MTCL1: variants seen among roughly 807,000 people sequenced by gnomAD.
The protein encoded by MTCL1 is microtubule cross-linking factor 1.
Under a neutral mutation model 141.4 loss-of-function variants are expected in MTCL1, and 79 were observed. The ratio of observed to expected loss-of-function variants is 0.56; its 90% CI spans 0.47 to 0.67. The LOEUF is 0.67. Ranked by LOEUF, MTCL1 falls within the 30% of genes least tolerant of loss-of-function variation. The pLI, the probability that MTCL1 is intolerant of heterozygous loss-of-function variation, is 0.00. For synonymous variants in MTCL1, 914 were observed against 875.8 expected (o/e 1.04, Z -0.77); for missense variants, 2,177 against 2,113.9 (o/e 1.03, Z -0.59).
In MTCL1 at chr18:8,705,857, C is replaced by T. The variant is rs2096057052; in HGVS notation, c.197C>T (p.Ser66Leu). 1 of 1,155,430 alleles carries T rather than the reference C, an allele frequency of 8.7e-7. No individual in the cohort carries two copies. The highest frequency in any genetic ancestry group is 1.1e-6 in the Non-Finnish European group (1 of 938,074). 71.6% of individuals were successfully genotyped at this position (1,155,430 alleles called of 1,614,324 possible). A position where few individuals can be genotyped will look rare whatever the true frequency, so the allele number is the denominator to read the frequency against. The stretch of plus-strand genomic sequence containing the variant: ...GCGCCCGGCCCGGCCGTCCCCTCCT[C>T]GGGCCGAGCCCCGGCTCCCGCCGCC... Residue 66 changes from serine (S) to leucine (L), a missense_variant, in exon 1 of 14, where the codon TCG (serine) becomes TTG (leucine). Transcript: ENST00000306329. This position sits in a 1 kb window ranked among gnomAD's most constrained non-coding sequence, Gnocchi z 5.2.
intron 4 of MTCL1, among the ~76,000 whole-genome samples, chr18:8,766,465 ATAGCTT>A (rs1462055507): frequency 6.6e-6 from 1 of 152,194 alleles, no homozygotes; most frequent in Non-Finnish European, 1.5e-5. Context: ...CTTGCAGACG[ATAGCTT>A]TAGCTGTTGA....
At chr18:8,726,286 C>CTTTTTTTTTTTTT (rs77665680) in intron 4 of MTCL1, among the ~76,000 whole-genome samples, 60 of 102,252 alleles carry the variant, frequency 5.9e-4, no homozygotes, top group Non-Finnish European at 1.0e-3. Flanking sequence ...TTCTTTTTTT[C>CTTTTTTTTTTTTT]TTTTTTTTTT....
intron 12 of MTCL1, 76 bp downstream of exon 11, chr18:8,813,309 C>CT (rs1489922329): frequency 4.0e-6 from 6 of 1,500,940 alleles, no homozygotes; most frequent in Non-Finnish European, 4.5e-6. Context: ...AGCAAAAGCA[C>CT]TAGGCTGCTT....
At chr18:8,769,087 G>T (rs759794705) in intron 4 of MTCL1, among the ~76,000 whole-genome samples, 1 of 152,160 alleles carries the variant, frequency 6.6e-6, no homozygotes, top group Non-Finnish European at 1.5e-5. Context: ...GAGCCAGCGC[G>T]CCTGGCCAGG....
intron 1 of MTCL1, among the ~76,000 whole-genome samples, chr18:8,710,420 C>T (rs2096081058): frequency 6.6e-6 from 1 of 150,830 alleles, no homozygotes; most frequent in Non-Finnish European, 1.5e-5. Flanking sequence ...CTTCAGTTAT[C>T]CAAAGGCCTG....
chr18:8,724,878 G>C (rs1041069702), intron 4 of MTCL1, among the ~76,000 whole-genome samples: 1 of 151,884 alleles, frequency 6.6e-6, no homozygotes, highest in African/African-American at 2.4e-5. Context: ...CAGCTTGCTT[G>C]CTGGCATCCT....
intron 4 of MTCL1, among the ~76,000 whole-genome samples, chr18:8,731,230 G>A (rs998717863): frequency 1.3e-5 from 2 of 150,690 alleles, no homozygotes; most frequent in African/African-American, 4.9e-5. Flanking sequence ...GGGCGACAGA[G>A]CAAGACTCCA....
At position 8,806,927 on chromosome 18, in the gene MTCL1, A is replaced by G. The variant is rs34877994; in HGVS notation, c.2471A>G (p.Lys824Arg). The G allele has an allele frequency of 8.4e-3, 13,602 of 1,613,702 alleles. 93 individuals are homozygous for G. The highest frequency in any genetic ancestry group is 9.6e-3 in the Non-Finnish European group (11,307 of 1,180,000). Residue 824 changes from lysine (K) to arginine (R), a missense_variant, in exon 11 of 17, where the codon AAG becomes AGG. Lys to Arg is a conservative substitution (Grantham distance 26, BLOSUM62 2). Coordinates refer to ENST00000359865, the Ensembl canonical transcript of MTCL1. ...AACCAGCAGCTGTTCAGCGCCTTCA[A>G]GGCCTTGCTGGAGGACTTCCGTGCG...
chr18:8,782,599 GC>G (rs1370163292), intron 5 of MTCL1: 1 of 152,210 alleles, frequency 6.6e-6, no homozygotes, highest in East Asian at 1.9e-4. Flanking sequence ...CCCTCTGGAA[GC>G]CCTATGAGGA....
intron 3 of MTCL1, among the ~76,000 whole-genome samples, chr18:8,719,745 A>C (rs1567934188): frequency 6.6e-6 from 1 of 151,852 alleles, no homozygotes; most frequent in Non-Finnish European, 1.5e-5. Flanking sequence ...TATTTTTATA[A>C]TTTTTTTAGA....
chr18:8,828,187 ACTT>A lies in MTCL1; in HGVS notation c.4723-718_4723-716del, dbSNP rs1448293100. Among the ~76,000 whole-genome samples the A allele has an allele frequency of 6.6e-6, 1 of 152,112 alleles. No homozygotes were observed. The highest frequency in any genetic ancestry group is 1.5e-5 in the Non-Finnish European group (1 of 68,014). ...TATGCGTTCCCAAATCCCCAGGACT[ACTT>A]CTGATTCCAAGCCCACCCAGTGCGC... On this transcript the variant is annotated intron_variant, in intron 15 of 16. Coordinates refer to ENST00000359865, the Ensembl canonical transcript of MTCL1. The surrounding 1 kb of genome is among the most constrained non-coding windows in gnomAD (Gnocchi z 5.2).
chr18:8,777,701 G>C (rs2096516757), intron 4 of MTCL1, 132 bp from the exon 4 acceptor site: 1 of 725,012 alleles, frequency 1.4e-6, no homozygotes. Flanking sequence ...ATTTACACAA[G>C]TTGTTTCTTG....
At chr18:8,776,722 G>GT (rs1243307925) in intron 4 of MTCL1, among the ~76,000 whole-genome samples, 82 of 142,776 alleles carry the variant, frequency 5.7e-4, no homozygotes, top group African/African-American at 1.9e-3. Flanking sequence ...GGAAACACTA[G>GT]TTATTTATTT....
At chr18:8,730,820 CCTT>C (rs1331904532) in intron 4 of MTCL1, among the ~76,000 whole-genome samples, 1 of 152,226 alleles carries the variant, frequency 6.6e-6, no homozygotes, top group Non-Finnish European at 1.5e-5. Context: ...CTATTTCTCT[CCTT>C]CTCTAAGACA....
intron 11 of MTCL1, chr18:8,809,366 C>G (rs1004217164): frequency 2.0e-6 from 3 of 1,491,156 alleles, no homozygotes; most frequent in Non-Finnish European, 2.7e-6. Flanking sequence ...ACAAGCCCAA[C>G]AGAAATCACG....
At chr18:8,725,365 A>G (rs2096201499) in intron 4 of MTCL1, among the ~76,000 whole-genome samples, 1 of 152,172 alleles carries the variant, frequency 6.6e-6, no homozygotes, top group Admixed American at 6.5e-5. Context: ...TTTTGTAATG[A>G]TTCCTGTGTG....
intron 7 of MTCL1, 40 bp downstream of exon 6, chr18:8,786,131 C>CCCCCTTTT: frequency 6.6e-7 from 1 of 1,520,140 alleles, no homozygotes. Context: ...CGCCCTCCCC[C>CCCCCTTTT]TCCTTTTTCT....
At chr18:8,773,487 C>T (rs952953913) in intron 4 of MTCL1, among the ~76,000 whole-genome samples, 5 of 151,888 alleles carry the variant, frequency 3.3e-5, no homozygotes, top group Admixed American at 3.3e-4. Flanking sequence ...TTAGAAAAAT[C>T]TTTTTTCCAG....
At chr18:8,809,262 G>A (rs968395404) in intron 11 of MTCL1, among the ~76,000 whole-genome samples, 3 of 152,268 alleles carry the variant, frequency 2.0e-5, no homozygotes, top group Middle Eastern at 3.4e-3. Context: ...CTGAAATCAG[G>A]GAATTGCCAA....
Sources: allele counts gnomAD v4.1 joint callset (sites outside exome capture counted in the v4.1 genomes callset), GRCh38; gene constraint gnomAD v4.1.1; non-coding constraint Gnocchi (gnomAD v3.1); transcripts MANE v1.5; gene names NCBI Gene and HGNC (gene_info 2026-07-23, HGNC 2026-07-21).